NRG1: variants seen among roughly 807,000 people sequenced by gnomAD.
NRG1 encodes the protein pro-neuregulin-1, membrane-bound isoform.
NRG1 carries 18 observed loss-of-function variants against 63.8 expected under a neutral mutation model. The observed-to-expected ratio is 0.28, with a 90% CI of 0.19 to 0.42. The LOEUF is 0.42. Ranked by LOEUF, NRG1 falls within the 10% of genes least tolerant of loss-of-function variation. The probability of loss-of-function intolerance (pLI) is 1.00; values close to 1 mark genes in which losing one functional copy is unlikely to be tolerated. For synonymous variants in NRG1, 302 were observed against 301.3 expected (o/e 1.00, Z -0.02); for missense variants, 762 against 814.7 (o/e 0.94, Z 0.79).
intron 1 of NRG1, among the ~76,000 whole-genome samples, chr8:32,010,805 T>C (rs1158639276): frequency 6.6e-6 from 1 of 152,058 alleles, no homozygotes; most frequent in Non-Finnish European, 1.5e-5. Context: ...TTTAGAGAGT[T>C]ACCGTCATCA....
At chr8:32,067,791 C>A (rs1468219142) in intron 1 of NRG1, among the ~76,000 whole-genome samples, 2 of 152,082 alleles carry the variant, frequency 1.3e-5, no homozygotes, top group African/African-American at 4.8e-5. Context: ...TACACGATTA[C>A]TAAGAAAATA....
intron 1 of NRG1, among the ~76,000 whole-genome samples, chr8:32,322,355 T>TTTTATATATA (rs1554507854): frequency 2.1e-5 from 3 of 142,656 alleles, no homozygotes; most frequent in African/African-American, 7.9e-5. Context: ...CAACCTTATT[T>TTTTATATATA]TATATATATA....
At chr8:32,563,794 TTCCC>T (rs1322490088) in intron 1 of NRG1, among the ~76,000 whole-genome samples, 1 of 152,200 alleles carries the variant, frequency 6.6e-6, no homozygotes, top group Non-Finnish European at 1.5e-5. Flanking sequence ...AGGTATCTCT[TTCCC>T]TAAACTCATC....
At chr8:32,109,253 C>T (rs2131429229) in intron 1 of NRG1, among the ~76,000 whole-genome samples, 1 of 152,296 alleles carries the variant, frequency 6.6e-6, no homozygotes, top group African/African-American at 2.4e-5. Flanking sequence ...ATCATTCATT[C>T]TCCTTTTTCC....
At chr8:32,674,295 T>C (rs987207610) in intron 5 of NRG1, among the ~76,000 whole-genome samples, 7 of 152,188 alleles carry the variant, frequency 4.6e-5, no homozygotes, top group African/African-American at 1.7e-4. Flanking sequence ...AAGTAATGTT[T>C]AATTCATGTA....
At chr8:32,513,903 A>G (rs1829514717) in intron 1 of NRG1, among the ~76,000 whole-genome samples, 1 of 152,192 alleles carries the variant, frequency 6.6e-6, no homozygotes, top group Non-Finnish European at 1.5e-5. Flanking sequence ...GACCATCTAA[A>G]TGGGAAAGGG....
intron 1 of NRG1, among the ~76,000 whole-genome samples, chr8:32,578,640 T>A (rs1323006544): frequency 1.3e-5 from 2 of 152,200 alleles, no homozygotes; most frequent in Non-Finnish European, 2.9e-5. Context: ...ATAAGGTTGG[T>A]TTGACCTAGG....
At chr8:32,070,723 C>T (rs1331107329) in intron 1 of NRG1, among the ~76,000 whole-genome samples, 2 of 152,326 alleles carry the variant, frequency 1.3e-5, no homozygotes, top group African/African-American at 4.8e-5. Flanking sequence ...TAACCATGTG[C>T]TTACAACACA....
At chr8:32,080,182 A>G (rs1240940467) in intron 1 of NRG1, among the ~76,000 whole-genome samples, 2 of 152,188 alleles carry the variant, frequency 1.3e-5, no homozygotes, top group Non-Finnish European at 2.9e-5. Flanking sequence ...TCTCTTATGC[A>G]ATCATGGTGG....
intron 1 of NRG1, among the ~76,000 whole-genome samples, chr8:32,247,092 G>C (rs1452073069): frequency 8.0e-6 from 1 of 124,740 alleles, no homozygotes; most frequent in Non-Finnish European, 1.7e-5. Context: ...ATCATAAATT[G>C]TCAATTTACA....
At chr8:31,762,967 G>A (rs1817702123) in intron 1 of NRG1, among the ~76,000 whole-genome samples, 2 of 152,114 alleles carry the variant, frequency 1.3e-5, no homozygotes, top group African/African-American at 4.8e-5. Context: ...ATTAAACCCA[G>A]TGATATGCAT....
intron 1 of NRG1, among the ~76,000 whole-genome samples, chr8:31,941,769 C>G (rs954216511): frequency 6.6e-6 from 1 of 152,004 alleles, no homozygotes; most frequent in African/African-American, 2.4e-5. Context: ...AGAATCAAAT[C>G]AAGAACTCAA....
chr8:32,682,737 A>C (rs1019785132), intron 5 of NRG1, among the ~76,000 whole-genome samples: 1 of 152,170 alleles, frequency 6.6e-6, no homozygotes, highest in African/African-American at 2.4e-5. Context: ...AACTGTTGTC[A>C]ATCTGTAATT....
At chr8:31,917,580 C>G (rs1833511420) in intron 1 of NRG1, among the ~76,000 whole-genome samples, 1 of 152,008 alleles carries the variant, frequency 6.6e-6, no homozygotes, top group Non-Finnish European at 1.5e-5. Flanking sequence ...TGTTTTGGTA[C>G]CAGTACCATG....
chr8:32,657,365 TTCCTTC>T lies in NRG1; in HGVS notation c.502+40482_502+40487del, dbSNP rs148889817. Among the ~76,000 whole-genome samples, 86 of 152,150 alleles carry T rather than the reference TTCCTTC, an allele frequency of 5.7e-4. No homozygotes were observed. The East Asian group carries it at 0.016, about 29-fold the overall frequency. On this transcript the variant is annotated intron_variant, in intron 5 of 11. Coordinates refer to ENST00000356819, the Ensembl canonical transcript of NRG1. ...CCTCTATTCTTTCATACCCCACCTA[TTCCTTC>T]TTCTCCAGCGATCTCAGGGCACATG...
intron 1 of NRG1, among the ~76,000 whole-genome samples, chr8:32,031,807 C>T (rs1472550521): frequency 6.6e-6 from 1 of 152,162 alleles, no homozygotes; most frequent in African/African-American, 2.4e-5. Flanking sequence ...CTTTTAATGG[C>T]TGCATAGTAT....
At chr8:32,193,982 G>A (rs796582572) in intron 1 of NRG1, among the ~76,000 whole-genome samples, 6 of 152,326 alleles carry the variant, frequency 3.9e-5, no homozygotes, top group African/African-American at 1.4e-4. Flanking sequence ...CAAACTTCCA[G>A]GGCAGTAAGA....
chr8:31,764,426 C>T (rs71523431), intron 1 of NRG1, among the ~76,000 whole-genome samples: 7,678 of 152,152 alleles, frequency 0.05, 261 homozygotes, highest in Admixed American at 0.11. Flanking sequence ...TAGCCCCTGG[C>T]AACTACTATT....
At chr8:32,095,986 T>A (rs1829854727) in intron 1 of NRG1, among the ~76,000 whole-genome samples, 2 of 152,144 alleles carry the variant, frequency 1.3e-5, no homozygotes, top group Admixed American at 1.3e-4. Context: ...GACTTTGAGC[T>A]TGGAGATCTG....
Sources: allele counts gnomAD v4.1 joint callset (sites outside exome capture counted in the v4.1 genomes callset), GRCh38; gene constraint gnomAD v4.1.1; transcripts MANE v1.5; gene names NCBI Gene and HGNC (gene_info 2026-07-23, HGNC 2026-07-21).